Variants in CEP20 observed in about 807,000 individuals in gnomAD.
CEP20 encodes the protein FGFR1OP N-terminal like.
CEP20 carries 18 observed loss-of-function variants against 20.0 expected under a neutral mutation model. The observed-to-expected ratio is 0.90, with a 90% CI of 0.62 to 1.34. The LOEUF is 1.34. Among genes scored for constraint, CEP20 ranks in the 40% most tolerant of loss-of-function variants. CEP20 has a pLI of 0.00. For missense variants in CEP20, 215 were observed against 201.6 expected (o/e 1.07, Z -0.40); for synonymous variants, 77 against 73.7 (o/e 1.04, Z -0.23).
intron 4 of CEP20, among the ~76,000 whole-genome samples, chr16:15,868,261 A>G (rs1296131580): frequency 1.7e-4 from 25 of 151,380 alleles, no homozygotes; most frequent in Non-Finnish European, 1.5e-4. Flanking sequence ...TGTCTCTACT[A>G]AAAATATAAA....
chr16:15,871,649 G>C (rs1462926936), intron 4 of CEP20, among the ~76,000 whole-genome samples: 1 of 152,148 alleles, frequency 6.6e-6, no homozygotes, highest in Admixed American at 6.5e-5. Flanking sequence ...GGTCTTAGTT[G>C]AGTTACTTAA....
chr16:15,882,731 A>ATATCTATCTATCTATCTACCTATC (rs1007837818), intron 2 of CEP20, among the ~76,000 whole-genome samples: 46 of 145,546 alleles, frequency 3.2e-4, no homozygotes, highest in Admixed American at 1.6e-3. Flanking sequence ...TATCTCCATT[A>ATATCTATCTATCTATCTACCTATC]TATCTATCTA....
chr16:15,876,957 A>G (rs2044967749), intron 3 of CEP20, among the ~76,000 whole-genome samples: 1 of 146,042 alleles, frequency 6.8e-6, no homozygotes, highest in South Asian at 2.2e-4. Flanking sequence ...TTTGACGCCC[A>G]TTTTCCTGCC....
intron 4 of CEP20, among the ~76,000 whole-genome samples, chr16:15,871,235 GAC>G (rs2044809943): frequency 6.6e-6 from 1 of 151,776 alleles, no homozygotes; most frequent in South Asian, 2.1e-4. Context: ...CAGCCTGGGT[GAC>G]AGAGTGACAG....
At chr16:15,873,432 T>C (rs2044868517) in intron 4 of CEP20, 59 bp downstream of exon 4, 2 of 1,563,536 alleles carry the variant, frequency 1.3e-6, no homozygotes, top group Non-Finnish European at 8.6e-7. Context: ...AAAAGAAAAA[T>C]ATATAGGAAG....
At chr16:15,873,663 T>C (rs758391080) in intron 3 of CEP20, 36 bp from the exon 4 acceptor site, 8 of 1,583,076 alleles carry the variant, frequency 5.1e-6, no homozygotes, top group Non-Finnish European at 6.0e-6. Flanking sequence ...AACCAAAAGC[T>C]AATAAATCTG....
chr16:15,876,019 AC>A (rs938210763), intron 3 of CEP20, among the ~76,000 whole-genome samples: 29 of 151,170 alleles, frequency 1.9e-4, no homozygotes, highest in Non-Finnish European at 3.7e-4. Context: ...AGTCACTTGA[AC>A]CCAAGAGGCA....
intron 4 of CEP20, among the ~76,000 whole-genome samples, chr16:15,871,003 C>T (rs957735830): frequency 6.6e-6 from 1 of 152,184 alleles, no homozygotes; most frequent in Middle Eastern, 3.2e-3. Flanking sequence ...TGGCTCACAC[C>T]TGTAATCCCA....
intron 3 of CEP20, among the ~76,000 whole-genome samples, chr16:15,874,764 A>G (rs1485709994): frequency 6.6e-6 from 1 of 152,148 alleles, no homozygotes; most frequent in East Asian, 1.9e-4. Flanking sequence ...ATGGAATCTC[A>G]TTGCCCTCTG....
At chr16:15,881,492 G>A (rs576548080) in intron 2 of CEP20, among the ~76,000 whole-genome samples, 5 of 152,214 alleles carry the variant, frequency 3.3e-5, no homozygotes, top group Admixed American at 2.6e-4. Context: ...GATCTGTAAC[G>A]AAAAATTCTA....
Position 15,872,301 on chromosome 16 carries a change from G to A in CEP20, c.448+1190C>T, listed in dbSNP as rs369068376. Among the ~76,000 whole-genome samples the A allele has an allele frequency of 7.3e-4, 110 of 150,314 alleles. 1 individual carries two copies. The highest frequency in any genetic ancestry group is 2.5e-3 in the African/African-American group (102 of 40,754). ...TACACTCTAGCCTGGGCGACAGAGC[G>A]AGACTCTGTCTCAAAAAAAAAAAAA... is the stretch of plus-strand genomic sequence containing the variant. On this transcript the variant is annotated intron_variant, in intron 4 of 4. Transcript: ENST00000255759.
intron 1 of CEP20, among the ~76,000 whole-genome samples, chr16:15,887,494 A>G (rs933547665): frequency 2.6e-5 from 4 of 152,226 alleles, no homozygotes; most frequent in African/African-American, 9.6e-5. Context: ...GTGCGTCACA[A>G]CTAGGTTCCC....
At chr16:15,881,794 C>A (rs995236497) in intron 2 of CEP20, among the ~76,000 whole-genome samples, 1 of 152,134 alleles carries the variant, frequency 6.6e-6, no homozygotes, top group African/African-American at 2.4e-5. Flanking sequence ...ATAACTGTTA[C>A]ACTTGAAGAG....
At position 15,873,471 on chromosome 16, in the gene CEP20, G is replaced by T; in HGVS notation, c.448+20C>A. 6.3e-7 allele frequency: 1 copy of T among 1,596,858 alleles called. No individual in the cohort carries two copies. The highest frequency in any genetic ancestry group is 8.5e-7 in the Non-Finnish European group (1 of 1,172,856). On this transcript the variant is annotated intron_variant, in intron 4 of 4. Coordinates refer to ENST00000255759, the MANE Select transcript of CEP20 (RefSeq NM_144600.4). ...ACATATTTGCTGACAGCTAAATGAT[G>T]AATCTTGGAAAACTCATACCCATTG...
chr16:15,877,836 C>T (rs2044993494), intron 3 of CEP20, among the ~76,000 whole-genome samples: 1 of 151,994 alleles, frequency 6.6e-6, no homozygotes, highest in Non-Finnish European at 1.5e-5. Flanking sequence ...GGGCAGATCA[C>T]TTGAGGCCAG....
rs2044687436 is a variant in CEP20, at chr16:15,866,656, T to C, written c.*784A>G. The C allele has an allele frequency of 6.6e-6, 1 of 152,214 alleles. No homozygotes were observed. The highest frequency in any genetic ancestry group is 2.1e-4 in the South Asian group (1 of 4,834). The allele number at this position is 152,214 out of a possible 1,614,324, so 9.4% of individuals were successfully genotyped here. The stretch of plus-strand genomic sequence containing the variant: ...CGAGGGCCACACGGAGATTAAACAA[T>C]GCCATCTTTGAAAAATCCCTTTCTG... On this transcript the variant is annotated 3_prime_UTR_variant, in exon 5 of 5. Transcript: ENST00000255759.
rs562693273 is a variant in CEP20 at position 15,884,187 on chromosome 16, T to A, written c.47A>T (p.Glu16Val). 5.6e-6 allele frequency: 9 copies of A among 1,610,830 alleles called. No homozygotes were observed. The highest frequency in any genetic ancestry group is 1.1e-5 in the South Asian group (1 of 90,930). The change falls in exon 2 of 5, where the codon GAA (glutamate) becomes GTA (valine). Residue 16 changes from glutamate to valine, a missense_variant. By Grantham distance (121) the Glu-to-Val change is moderately radical. Coordinates refer to ENST00000255759, the MANE Select transcript of CEP20 (RefSeq NM_144600.4). The part of the protein sequence containing the change: ...ELKAVLKDTL[E>V]KKGVLGHLKA... ...TAAATGCCCTAATACCCCCTTTTTT[T>A]CCAAGGTGTCCTTTAAAACTGTTCG...
intron 3 of CEP20, among the ~76,000 whole-genome samples, chr16:15,876,298 AAACCGTCTCT>A (rs2151424790): frequency 6.6e-6 from 1 of 151,894 alleles, no homozygotes; most frequent in South Asian, 2.1e-4. Context: ...TAACACGGTG[AAACCGTCTCT>A]ACTAAAAATA....
chr16:15,870,918 G>A (rs983983280), intron 4 of CEP20, among the ~76,000 whole-genome samples: 3 of 152,140 alleles, frequency 2.0e-5, no homozygotes, highest in Non-Finnish European at 2.9e-5. Context: ...GCAGGATAAC[G>A]TGCACCATAA....
Sources: allele counts gnomAD v4.1 joint callset (sites outside exome capture counted in the v4.1 genomes callset), GRCh38; gene constraint gnomAD v4.1.1; transcripts MANE v1.5; gene names NCBI Gene and HGNC (gene_info 2026-07-23, HGNC 2026-07-21).